The following VEPH1 variants were observed in gnomAD, a reference collection of about 807,000 sequenced individuals.
The protein encoded by VEPH1 is ventricular zone-expressed PH domain-containing protein homolog 1.
Under a neutral mutation model 85.2 loss-of-function variants are expected in VEPH1, and 80 were observed. That is an observed-to-expected ratio of 0.94 (90% confidence interval 0.78 to 1.13). The LOEUF (loss-of-function observed/expected upper bound fraction) is 1.13. Among genes scored for constraint, VEPH1 ranks in the 50% most tolerant of loss-of-function variants. The probability of loss-of-function intolerance (pLI) is 0.00; values close to 1 mark genes in which losing one functional copy is unlikely to be tolerated. For missense variants in VEPH1, 955 were observed against 980.5 expected (o/e 0.97, Z 0.35); for synonymous variants, 297 against 348.0 (o/e 0.85, Z 1.63).
intron 2 of VEPH1, among the ~76,000 whole-genome samples, chr3:157,479,799 C>T (rs1371299389): frequency 6.6e-6 from 1 of 152,128 alleles, no homozygotes; most frequent in Admixed American, 6.5e-5. Flanking sequence ...CTATCTGGCT[C>T]CTAGGATTGT....
Position 157,470,212 on chromosome 3 carries a change from T to C in VEPH1, c.354+102A>G, listed in dbSNP as rs558813761. ...TGGCTTGTAGTGTCTTTTTACAGTA[T>C]CTAAATGCTGCAGAAGCATTGGCTC... On this transcript the variant is annotated intron_variant, in intron 3 of 13. Transcript: ENST00000362010. 1.7e-4 allele frequency: 183 copies of C among 1,076,990 alleles called. 3 individuals carry two copies. The South Asian group carries it at 2.5e-3, about 15-fold the overall frequency. 66.7% of individuals were successfully genotyped at this position (1,076,990 alleles called of 1,614,324 possible). A position where few individuals can be genotyped will look rare whatever the true frequency, so the allele number is the denominator to read the frequency against.
chr3:157,416,213 G>T lies in VEPH1; in HGVS notation c.697-2123C>A, dbSNP rs866242013. Among the ~76,000 whole-genome samples the T allele has an allele frequency of 7.9e-5, 12 of 152,226 alleles. 1 individual carries two copies. In the Middle Eastern group the frequency reaches 0.034, roughly 431 times the overall value. On this transcript the variant is annotated intron_variant, in intron 5 of 13. Coordinates refer to ENST00000362010, the MANE Select transcript of VEPH1 (RefSeq NM_001167912.2). ...AAAACATCTCCCCCACCCTATAGTA[G>T]TTAAAGAGTTGTACACAATGTTTAA...
intron 11 of VEPH1, among the ~76,000 whole-genome samples, chr3:157,304,023 TTA>T (rs1553761056): frequency 6.7e-5 from 6 of 89,070 alleles, no homozygotes; most frequent in African/African-American, 1.0e-4. Flanking sequence ...CTTATATTTT[TTA>T]TATATATATA....
In VEPH1 at chr3:157,503,323, C is replaced by G. The variant is rs556809876; in HGVS notation, c.-204G>C. ...GTCATAGAAAATAGAAGGCAAAATC[C>G]TTGATCTTTAGAGCACTGCAGCTGG... On this transcript the variant is annotated 5_prime_UTR_variant, in exon 1 of 14. Transcript: ENST00000362010. 4 of 152,318 alleles carry G rather than the reference C, an allele frequency of 2.6e-5. No homozygotes were observed. The South Asian group carries it at 8.3e-4, about 32-fold the overall frequency. 9.4% of individuals were successfully genotyped at this position (152,318 alleles called of 1,614,324 possible). A position where few individuals can be genotyped will look rare whatever the true frequency, so the allele number is the denominator to read the frequency against.
intron 4 of VEPH1, chr3:157,459,963 T>C (rs767553350): frequency 6.5e-7 from 1 of 1,537,476 alleles, no homozygotes. Context: ...CTTACAATTC[T>C]TTTAATGAGT....
At chr3:157,435,947 T>G (rs1048726139) in intron 4 of VEPH1, among the ~76,000 whole-genome samples, 45 of 152,210 alleles carry the variant, frequency 3.0e-4, no homozygotes, top group Admixed American at 2.7e-3. Flanking sequence ...CCCCCAGCTT[T>G]TTTTCCCCAT....
chr3:157,284,073 A>G (rs1577235323), intron 12 of VEPH1, among the ~76,000 whole-genome samples: 2 of 152,314 alleles, frequency 1.3e-5, no homozygotes, highest in South Asian at 2.1e-4. Flanking sequence ...AACAGCCCTA[A>G]TCTTCATTTA....
intron 2 of VEPH1, among the ~76,000 whole-genome samples, chr3:157,477,547 G>T (rs757756127): frequency 1.3e-5 from 2 of 151,998 alleles, no homozygotes; most frequent in Admixed American, 1.3e-4. Context: ...GCCTTGATAA[G>T]AACTGGAGTG....
intron 11 of VEPH1, among the ~76,000 whole-genome samples, chr3:157,306,252 C>T (rs190115881): frequency 3.9e-5 from 6 of 152,230 alleles, no homozygotes; most frequent in Non-Finnish European, 8.8e-5. Context: ...CCTTCCTTTC[C>T]TCACTTTCTC....
chr3:157,388,571 A>G (rs906496476), intron 6 of VEPH1, among the ~76,000 whole-genome samples: 1 of 152,190 alleles, frequency 6.6e-6, no homozygotes, highest in African/African-American at 2.4e-5. Context: ...ACTCTGTTCA[A>G]TAGACTCATA....
chr3:157,455,066 T>A (rs1393345795), intron 4 of VEPH1, among the ~76,000 whole-genome samples: 1 of 152,178 alleles, frequency 6.6e-6, no homozygotes, highest in Non-Finnish European at 1.5e-5. Flanking sequence ...AGTACATGTG[T>A]CTTTTTGGTA....
chr3:157,347,224 T>A (rs1724329110), intron 9 of VEPH1, among the ~76,000 whole-genome samples: 1 of 151,806 alleles, frequency 6.6e-6, no homozygotes, highest in Non-Finnish European at 1.5e-5. Flanking sequence ...ATGGTGTACC[T>A]GTAAATATGA....
At chr3:157,468,081 T>C (rs1343109915) in intron 3 of VEPH1, among the ~76,000 whole-genome samples, 3 of 152,226 alleles carry the variant, frequency 2.0e-5, no homozygotes, top group Non-Finnish European at 4.4e-5. Context: ...TGGTCTTATT[T>C]CACAAATCTG....
chr3:157,325,145 G>A (rs1335259879), intron 9 of VEPH1, among the ~76,000 whole-genome samples: 1 of 152,216 alleles, frequency 6.6e-6, no homozygotes, highest in East Asian at 1.9e-4. Flanking sequence ...CTTTTGAGAA[G>A]TGGCTGTTCA....
chr3:157,325,223 T>C (rs1193667356), intron 9 of VEPH1, among the ~76,000 whole-genome samples: 1 of 152,204 alleles, frequency 6.6e-6, no homozygotes, highest in Non-Finnish European at 1.5e-5. Context: ...AAGTTCTTTG[T>C]AGAGGCTGAA....
intron 13 of VEPH1, among the ~76,000 whole-genome samples, chr3:157,262,020 C>G (rs954828387): frequency 6.6e-6 from 1 of 152,154 alleles, no homozygotes; most frequent in Non-Finnish European, 1.5e-5. Flanking sequence ...TCAGGTCTTT[C>G]ACATGAATAC....
intron 11 of VEPH1, among the ~76,000 whole-genome samples, chr3:157,290,066 AC>A (rs1717300142): frequency 7.8e-6 from 1 of 127,886 alleles, no homozygotes; most frequent in Non-Finnish European, 1.8e-5. Flanking sequence ...ACACACACAC[AC>A]ACACACACAC....
At chr3:157,388,247 CT>C (rs1188931084) in intron 6 of VEPH1, among the ~76,000 whole-genome samples, 1 of 152,182 alleles carries the variant, frequency 6.6e-6, no homozygotes, top group Non-Finnish European at 1.5e-5. Context: ...CTTCAAAAGC[CT>C]GAGTGTGGCC....
chr3:157,427,504 G>A (rs1366775920), intron 5 of VEPH1, among the ~76,000 whole-genome samples: 1 of 152,110 alleles, frequency 6.6e-6, no homozygotes. Context: ...CACCCAGGCT[G>A]GAGTGCAGTG....
Sources: allele counts gnomAD v4.1 joint callset (sites outside exome capture counted in the v4.1 genomes callset), GRCh38; gene constraint gnomAD v4.1.1; transcripts MANE v1.5; gene names NCBI Gene and HGNC (gene_info 2026-07-23, HGNC 2026-07-21).